The following ZFHX3 variants were observed in gnomAD, a reference collection of about 807,000 sequenced individuals.
ZFHX3 encodes zinc finger homeobox 3.
In ZFHX3, 42 loss-of-function variants were observed where a neutral mutation model predicts 279.1. The ratio of observed to expected loss-of-function variants is 0.15; its 90% CI spans 0.12 to 0.19. ZFHX3 has a LOEUF of 0.19. Ranked by LOEUF, ZFHX3 falls within the 10% of genes least tolerant of loss-of-function variation. The probability of loss-of-function intolerance (pLI) is 1.00; values close to 1 mark genes in which losing one functional copy is unlikely to be tolerated. For synonymous variants in ZFHX3, 2,293 were observed against 1,957.8 expected, an observed-to-expected ratio of 1.17 and a Z score of -4.52; for missense variants, 4,981 against 4,754.0, an observed-to-expected ratio of 1.05 and a Z score of -1.40.
chr16:73,157,634 G>C (rs914923806), intron 5 of ZFHX3, among the ~76,000 whole-genome samples: 7 of 152,082 alleles, frequency 4.6e-5, no homozygotes, highest in African/African-American at 1.7e-4. Context: ...CTTAAAGTTT[G>C]AACAGCAGTA....
chr16:73,674,586 G>A (rs2052935300), intron 2 of ZFHX3, among the ~76,000 whole-genome samples: 1 of 152,208 alleles, frequency 6.6e-6, no homozygotes, highest in South Asian at 2.1e-4. Flanking sequence ...CCCCATTGCT[G>A]TATCCATGCC....
intron 1 of ZFHX3, among the ~76,000 whole-genome samples, chr16:73,761,907 C>CAGG (rs2053871616): frequency 6.6e-6 from 1 of 152,110 alleles, no homozygotes; most frequent in Non-Finnish European, 1.5e-5. Flanking sequence ...GAATACCATT[C>CAGG]AGGACATAGG....
At chr16:73,277,893 G>C (rs996892650) in intron 4 of ZFHX3, among the ~76,000 whole-genome samples, 3 of 152,154 alleles carry the variant, frequency 2.0e-5, no homozygotes, top group Non-Finnish European at 4.4e-5. Context: ...TTACAAGGCA[G>C]GAGCAAGAGA....
chr16:73,519,052 G>C (rs8058620), intron 2 of ZFHX3, among the ~76,000 whole-genome samples: 55,411 of 152,048 alleles, frequency 0.36, 11,632 homozygotes, highest in East Asian at 0.62. Context: ...TAAGCAGATA[G>C]ATGTAAACAT....
intron 3 of ZFHX3, chr16:73,389,313 A>C (rs1173461846): frequency 6.6e-6 from 1 of 152,230 alleles, no homozygotes; most frequent in Non-Finnish European, 1.5e-5. Flanking sequence ...GGGGTGGAGT[A>C]GCCACAAAAA....
intron 1 of ZFHX3, among the ~76,000 whole-genome samples, chr16:72,992,305 C>G (rs1039185215): frequency 3.9e-5 from 6 of 152,174 alleles, no homozygotes; most frequent in Admixed American, 1.3e-4. Context: ...TCCCATCCCC[C>G]ACAGCGAGGA....
At chr16:72,946,752 G>A (rs911755652) in intron 3 of ZFHX3, among the ~76,000 whole-genome samples, 6 of 152,196 alleles carry the variant, frequency 3.9e-5, no homozygotes, top group South Asian at 4.1e-4. Flanking sequence ...AGTGACAGCC[G>A]CTCTCCTAGT....
chr16:73,372,570 G>C (rs1007955022), intron 3 of ZFHX3, among the ~76,000 whole-genome samples: 1 of 152,170 alleles, frequency 6.6e-6, no homozygotes, highest in African/African-American at 2.4e-5. Context: ...CTTGCATCCT[G>C]TAATGAAGTT....
At chr16:73,792,165 A>T (rs1419611318) in intron 1 of ZFHX3, among the ~76,000 whole-genome samples, 1 of 152,254 alleles carries the variant, frequency 6.6e-6, no homozygotes, top group Non-Finnish European at 1.5e-5. Context: ...TGCATTTAAT[A>T]CGCAGCATGA....
intron 1 of ZFHX3, among the ~76,000 whole-genome samples, chr16:73,883,509 G>A (rs1245943747): frequency 1.3e-5 from 2 of 151,836 alleles, no homozygotes; most frequent in Non-Finnish European, 2.9e-5. Flanking sequence ...TCAATCAGTT[G>A]CTACAGACAA....
At chr16:72,872,606 C>T (rs561885646) in intron 4 of ZFHX3, among the ~76,000 whole-genome samples, 3 of 152,156 alleles carry the variant, frequency 2.0e-5, no homozygotes, top group Admixed American at 6.5e-5. Flanking sequence ...TACAGGCACG[C>T]GCCACCATGT....
chr16:73,486,945 T>C lies in ZFHX3; in HGVS notation c.-1546-30687A>G, dbSNP rs144645217. The C allele has an allele frequency of 5.1e-3, 2,228 of 438,754 alleles. 13 individuals are homozygous for C. Among genetic ancestry groups the C allele is most frequent in the Non-Finnish European group, 6.8e-3 (1,488 of 219,490 alleles). The allele number at this position is 438,754 out of a possible 1,614,324, so 27.2% of individuals were successfully genotyped here. ...CACTGTAAGGCCAAGGCAATTTGGGTTACTGGGTATTTATATCTTAGGTAT... is the reference window on the plus strand; with the variant it reads ...CACTGTAAGGCCAAGGCAATTTGGGCTACTGGGTATTTATATCTTAGGTAT... On this transcript the variant is annotated intron_variant, in intron 2 of 17. Transcript: ENST00000641206.
intron 3 of ZFHX3, among the ~76,000 whole-genome samples, chr16:72,905,591 A>C (rs949547828): frequency 2.7e-4 from 41 of 152,314 alleles, no homozygotes; most frequent in African/African-American, 9.6e-4. Flanking sequence ...GATGCCTCCC[A>C]GGGGGAGTAA....
chr16:73,523,747 T>C (rs918725), intron 2 of ZFHX3, among the ~76,000 whole-genome samples: 52,931 of 151,848 alleles, frequency 0.35, 10,624 homozygotes, highest in East Asian at 0.61. Context: ...GTTTTGTCCT[T>C]GCATCTACCT....
At chr16:73,849,895 G>A (rs964531896) in intron 1 of ZFHX3, among the ~76,000 whole-genome samples, 2 of 152,148 alleles carry the variant, frequency 1.3e-5, no homozygotes, top group Admixed American at 6.5e-5. Flanking sequence ...ACCATGCCCG[G>A]CTAATTTTTG....
At chr16:73,288,643 GC>G (rs2014691583) in intron 4 of ZFHX3, among the ~76,000 whole-genome samples, 1 of 151,936 alleles carries the variant, frequency 6.6e-6, no homozygotes, top group Non-Finnish European at 1.5e-5. Context: ...CCTATTTGTC[GC>G]CCCCAAACTC....
At chr16:73,071,479 C>CTGCTGCTGCTGCT (rs1336144367) in intron 8 of ZFHX3, among the ~76,000 whole-genome samples, 4 of 132,300 alleles carry the variant, frequency 3.0e-5, no homozygotes, top group African/African-American at 1.1e-4. Flanking sequence ...CTGCTGCTGC[C>CTGCTGCTGCTGCT]GCCGCCGCCG....
At chr16:73,124,734 G>A (rs1234082030) in intron 7 of ZFHX3, among the ~76,000 whole-genome samples, 3 of 152,156 alleles carry the variant, frequency 2.0e-5, no homozygotes, top group South Asian at 4.1e-4. Flanking sequence ...AGAGAGTGTA[G>A]CGCACTGGGG....
chr16:73,168,211 T>TTTTCTTCCTTTCTTTC (rs1967423587), intron 5 of ZFHX3, among the ~76,000 whole-genome samples: 1 of 95,222 alleles, frequency 1.1e-5, no homozygotes, highest in Non-Finnish European at 2.1e-5. Context: ...GTTTCTTTTG[T>TTTTCTTCCTTTCTTTC]TTTCTTTCTT....
Sources: gnomAD v4.1 joint callset for allele counts (sites outside exome capture counted in the v4.1 genomes callset) on GRCh38, gnomAD v4.1.1 for gene constraint, MANE v1.5 for transcripts, NCBI Gene and HGNC (gene_info 2026-07-23, HGNC 2026-07-21) for gene names.